ENTREP1: variants seen among roughly 807,000 people sequenced by gnomAD.
The protein encoded by ENTREP1 is endosomal transmembrane epsin interactor 1.
the ENTREP1 span, among the ~76,000 whole-genome samples, chr9:69,363,179 C>G: frequency 6.6e-6 from 1 of 152,126 alleles, no homozygotes; most frequent in Non-Finnish European, 1.5e-5. Context: ...TTGGCGCCCA[C>G]TGTCTCTCAC....
chr9:69,353,435 A>G, the ENTREP1 span, among the ~76,000 whole-genome samples: 1 of 152,234 alleles, frequency 6.6e-6, no homozygotes. Flanking sequence ...TAGATATTCT[A>G]TATTCAACTA....
chr9:69,384,051 C>G, the ENTREP1 span: 33 of 1,529,842 alleles, frequency 2.2e-5, no homozygotes, highest in Non-Finnish European at 3.0e-5. Flanking sequence ...TGACATGATT[C>G]AGTAGATTAA....
At chr9:69,354,264 T>C in the ENTREP1 span, among the ~76,000 whole-genome samples, 69 of 144,284 alleles carry the variant, frequency 4.8e-4, no homozygotes, top group Non-Finnish European at 2.9e-4. Flanking sequence ...ATTTTTTTTT[T>C]TTTTTTTTTT....
chr9:69,328,711 G>A, the ENTREP1 span, among the ~76,000 whole-genome samples: 1 of 151,770 alleles, frequency 6.6e-6, no homozygotes, highest in Admixed American at 6.6e-5. Flanking sequence ...AATTAAAAAA[G>A]AACACAGCTT....
the ENTREP1 span, chr9:69,371,446 G>C: frequency 3.4e-5 from 41 of 1,204,778 alleles, no homozygotes; most frequent in Non-Finnish European, 4.6e-5. Flanking sequence ...GTAAAACTCT[G>C]TCTGAATTTA....
the ENTREP1 span, among the ~76,000 whole-genome samples, chr9:69,368,564 T>C: frequency 6.6e-6 from 1 of 152,158 alleles, no homozygotes; most frequent in Non-Finnish European, 1.5e-5. Context: ...AGCATTTTAT[T>C]GAGGATTTTT....
At chr9:69,325,425 C>T in the ENTREP1 span, 4 of 989,598 alleles carry the variant, frequency 4.0e-6, no homozygotes, top group Non-Finnish European at 4.8e-6. Flanking sequence ...CCGCCGCTGC[C>T]CCCGCTGCGG....
chr9:69,358,149 C>A, the ENTREP1 span, among the ~76,000 whole-genome samples: 11 of 152,256 alleles, frequency 7.2e-5, no homozygotes, highest in Admixed American at 2.0e-4. Context: ...GTATTTTGTT[C>A]TTCCACCCAC....
At chr9:69,388,223 AC>A in the ENTREP1 span, 1 of 1,614,068 alleles carries the variant, frequency 6.2e-7, no homozygotes, top group Non-Finnish European at 8.5e-7. Flanking sequence ...GGCTGCAGTG[AC>A]TCTGAGGAGA....
the ENTREP1 span, among the ~76,000 whole-genome samples, chr9:69,352,562 G>A: frequency 2.0e-5 from 3 of 152,210 alleles, no homozygotes; most frequent in Non-Finnish European, 4.4e-5. Flanking sequence ...CACATGAGGT[G>A]TTATTAGTAT....
At chr9:69,356,901 C>T in the ENTREP1 span, among the ~76,000 whole-genome samples, 2 of 152,052 alleles carry the variant, frequency 1.3e-5, no homozygotes, top group Admixed American at 6.6e-5. Context: ...TGAGGAATTA[C>T]AGAGCTAGAT....
At chr9:69,351,593 TTTTAGTAGAGATGG>T in the ENTREP1 span, among the ~76,000 whole-genome samples, 1 of 152,170 alleles carries the variant, frequency 6.6e-6, no homozygotes, top group Admixed American at 6.5e-5. Flanking sequence ...ATTTTTGTAT[TTTTAGTAGAGATGG>T]TGGTTCACCA....
the ENTREP1 span, among the ~76,000 whole-genome samples, chr9:69,390,551 A>G: frequency 6.6e-6 from 1 of 152,226 alleles, no homozygotes. Flanking sequence ...AATCATTCTT[A>G]AAGACTTTTT....
the ENTREP1 span, among the ~76,000 whole-genome samples, chr9:69,332,476 A>T: frequency 3.4e-4 from 52 of 152,186 alleles, no homozygotes; most frequent in African/African-American, 1.2e-3. Context: ...TGACTTGGCT[A>T]TTCATTTAAT....
the ENTREP1 span, among the ~76,000 whole-genome samples, chr9:69,376,780 G>A: frequency 6.6e-6 from 1 of 152,208 alleles, no homozygotes; most frequent in South Asian, 2.1e-4. Context: ...CACTCAAGGA[G>A]CCAGGACTGT....
the ENTREP1 span, chr9:69,325,055 G>C: frequency 1.1e-5 from 11 of 985,410 alleles, no homozygotes; most frequent in Non-Finnish European, 1.3e-5. Context: ...CGGAGTGCGC[G>C]TGGGTGAGAG....
At chr9:69,356,593 A>T in the ENTREP1 span, among the ~76,000 whole-genome samples, 9 of 152,224 alleles carry the variant, frequency 5.9e-5, no homozygotes, top group African/African-American at 2.2e-4. Flanking sequence ...GGCACAGAGG[A>T]AAGGATAAAA....
the ENTREP1 span, among the ~76,000 whole-genome samples, chr9:69,336,856 G>A: frequency 6.6e-6 from 1 of 151,614 alleles, no homozygotes; most frequent in Non-Finnish European, 1.5e-5. Flanking sequence ...CCGCCACTGC[G>A]CCCAGCTAAT....
At chr9:69,350,266 A>G in the ENTREP1 span, among the ~76,000 whole-genome samples, 1 of 152,140 alleles carries the variant, frequency 6.6e-6, no homozygotes, top group Admixed American at 6.6e-5. Context: ...GGTGTGAGGC[A>G]GGGGTCCAGG....
Sources: allele counts gnomAD v4.1 joint callset (sites outside exome capture counted in the v4.1 genomes callset), GRCh38; gene constraint gnomAD v4.1.1; transcripts MANE v1.5; gene names NCBI Gene and HGNC (gene_info 2026-07-23, HGNC 2026-07-21).